Variants in DZIP3 observed in about 807,000 individuals in gnomAD.
DZIP3 encodes DAZ interacting zinc finger protein 3, also known as E3 ubiquitin-protein ligase DZIP3.
DZIP3 carries 118 observed loss-of-function variants against 162.0 expected under a neutral mutation model. That is an observed-to-expected ratio of 0.73 (90% CI 0.63 to 0.85). DZIP3 has a LOEUF of 0.85. Ranked by LOEUF, DZIP3 falls within the 40% of genes least tolerant of loss-of-function variation. The pLI is 0.00. For synonymous variants in DZIP3, 438 were observed against 458.6 expected (o/e 0.96, Z 0.57); for missense variants, 1,331 against 1,407.0 (o/e 0.95, Z 0.86).
intron 21 of DZIP3, among the ~76,000 whole-genome samples, chr3:108,666,220 A>G (rs1459937185): frequency 6.6e-6 from 1 of 152,154 alleles, no homozygotes; most frequent in Non-Finnish European, 1.5e-5. Flanking sequence ...CTAGGGATAT[A>G]TCATGCAGAT....
chr3:108,646,652 A>G lies in DZIP3; in HGVS notation c.1792+3A>G. ...ACAGTCAATAACAGGCAGTCAGCGTAAGTATATTTAGAAATAAAATGTGTA... is the reference window on the plus strand; with the variant it reads ...ACAGTCAATAACAGGCAGTCAGCGTGAGTATATTTAGAAATAAAATGTGTA... On this transcript the variant is annotated splice_donor_region_variant and intron_variant, in intron 15 of 32. Coordinates refer to ENST00000361582, the MANE Select transcript of DZIP3 (RefSeq NM_014648.4). The G allele has an allele frequency of 6.4e-7, 1 of 1,551,398 alleles. No homozygotes were observed. Among genetic ancestry groups the G allele is most frequent in the Non-Finnish European group, 8.7e-7 (1 of 1,151,188 alleles).
intron 4 of DZIP3, among the ~76,000 whole-genome samples, chr3:108,612,603 T>A (rs1243382069): frequency 6.6e-6 from 1 of 152,186 alleles, no homozygotes; most frequent in South Asian, 2.1e-4. Flanking sequence ...GATGCCCAAG[T>A]CTCTTATGTA....
chr3:108,689,443 GGAGGCTGAGGT>G (rs1464978875), intron 31 of DZIP3, among the ~76,000 whole-genome samples: 4 of 152,180 alleles, frequency 2.6e-5, no homozygotes, highest in Non-Finnish European at 5.9e-5. Context: ...CAGCACTTTA[GGAGGCTGAGGT>G]GGGTGGATCA....
chr3:108,690,701 T>C (rs1010295965), intron 31 of DZIP3, 86 bp from the exon 32 acceptor site: 15 of 1,188,128 alleles, frequency 1.3e-5, no homozygotes, highest in Admixed American at 9.5e-5. Context: ...AGAAGACATG[T>C]TGGTTGGTAA....
chr3:108,638,188 T>C (rs1322656815), intron 12 of DZIP3, among the ~76,000 whole-genome samples: 2 of 152,218 alleles, frequency 1.3e-5, no homozygotes, highest in African/African-American at 4.8e-5. Context: ...TATACCTACC[T>C]GCATACTGAG....
At position 108,661,904 on chromosome 3, in the gene DZIP3, T is replaced by G; in HGVS notation, c.2227T>G (p.Tyr743Asp). 1 of 1,613,930 alleles carries G rather than the reference T, an allele frequency of 6.2e-7. No individual in the cohort carries two copies. Among genetic ancestry groups the G allele is most frequent in the South Asian group, 1.1e-5 (1 of 91,048 alleles). Reference sequence around the variant, plus strand: ...CTCAGCTGGCAAAGTAACTACAGACTATGGAGAAACTGAAAAGGAAAGGCT... The same window carrying G: ...CTCAGCTGGCAAAGTAACTACAGACGATGGAGAAACTGAAAAGGAAAGGCT... The part of the protein sequence containing the change: ...QGSAGKVTTD[Y>D]GETEKERLAR... Residue 743 changes from tyrosine (Y) to aspartate (D), a missense_variant, in exon 20 of 33, where the codon TAT becomes GAT. By Grantham distance (160) the Tyr-to-Asp change is radical. Coordinates refer to ENST00000361582, the MANE Select transcript of DZIP3 (RefSeq NM_014648.4).
At chr3:108,611,501 G>A (rs1052820620) in intron 4 of DZIP3, among the ~76,000 whole-genome samples, 172 bp downstream of exon 4, 1 of 152,122 alleles carries the variant, frequency 6.6e-6, no homozygotes, top group Non-Finnish European at 1.5e-5. Flanking sequence ...CTAAAAAGTT[G>A]AACAAATAGA....
At chr3:108,693,309 G>T (rs924232061) in intron 32 of DZIP3, 51 bp from the exon 33 acceptor site, 1 of 151,292 alleles carries the variant, frequency 6.6e-6, no homozygotes, top group African/African-American at 2.4e-5. Context: ...AAATATAATT[G>T]ATTTAAATTA....
intron 4 of DZIP3, among the ~76,000 whole-genome samples, chr3:108,616,246 A>G (rs990965700): frequency 6.6e-6 from 1 of 151,442 alleles, no homozygotes; most frequent in Admixed American, 6.6e-5. Context: ...CCAGGGCGAC[A>G]GAGCGAGACT....
At position 108,693,266 on chromosome 3, in the gene DZIP3, T is replaced by G. The variant is rs557004745; in HGVS notation, c.*7-94T>G. 7.2e-5 allele frequency: 11 copies of G among 152,038 alleles called. No individual in the cohort carries two copies. The South Asian group carries it at 1.2e-3, about 17-fold the overall frequency. The allele number at this position is 152,038 out of a possible 1,614,324, so 9.4% of individuals were successfully genotyped here. On this transcript the variant is annotated intron_variant, in intron 32 of 32. Transcript: ENST00000361582. ...AGAAGTAGGAAAATCCCATGGAAATTTATGTTCCTTCTAACTTTTAAAACT... is the reference window on the plus strand; with the variant it reads ...AGAAGTAGGAAAATCCCATGGAAATGTATGTTCCTTCTAACTTTTAAAACT...
chr3:108,618,076 G>C (rs1310402939), intron 5 of DZIP3, among the ~76,000 whole-genome samples: 2 of 152,184 alleles, frequency 1.3e-5, no homozygotes, highest in Non-Finnish European at 2.9e-5. Flanking sequence ...GGAGACAACA[G>C]TGGATTATGT....
intron 4 of DZIP3, among the ~76,000 whole-genome samples, chr3:108,615,145 CCAAAAGTCAGT>C (rs763324101): frequency 6.6e-6 from 1 of 152,166 alleles, no homozygotes; most frequent in Non-Finnish European, 1.5e-5. Context: ...AAAAGTAGCT[CCAAAAGTCAGT>C]CAAAAGTCAG....
chr3:108,666,650 C>G (rs556646478), intron 21 of DZIP3, among the ~76,000 whole-genome samples: 1 of 152,202 alleles, frequency 6.6e-6, no homozygotes, highest in East Asian at 1.9e-4. Context: ...GGCCATAAAA[C>G]AAACCTCAAC....
intron 7 of DZIP3, among the ~76,000 whole-genome samples, chr3:108,626,377 C>G (rs1941590229): frequency 6.6e-6 from 1 of 152,084 alleles, no homozygotes. Flanking sequence ...CACAAAAATG[C>G]TGTACTTAAT....
intron 25 of DZIP3, 151 bp downstream of exon 25, chr3:108,676,024 G>T: frequency 1.5e-6 from 1 of 649,164 alleles, no homozygotes. Context: ...ACTTCCATGT[G>T]GTTGGTTGTA....
At chr3:108,685,659 G>A (rs1216213986) in intron 27 of DZIP3, among the ~76,000 whole-genome samples, 1 of 152,156 alleles carries the variant, frequency 6.6e-6, no homozygotes, top group African/African-American at 2.4e-5. Context: ...CTACAACATT[G>A]ATGAGACATT....
intron 14 of DZIP3, among the ~76,000 whole-genome samples, chr3:108,645,767 G>C (rs1305509600): frequency 6.6e-6 from 1 of 152,126 alleles, no homozygotes; most frequent in Non-Finnish European, 1.5e-5. Context: ...ATTTACTAAG[G>C]CTCTGGAATA....
intron 2 of DZIP3, among the ~76,000 whole-genome samples, chr3:108,606,143 C>T (rs773823502): frequency 1.3e-5 from 2 of 152,156 alleles, no homozygotes; most frequent in Non-Finnish European, 2.9e-5. Flanking sequence ...CTCATAACAA[C>T]TCTATGAAGT....
intron 26 of DZIP3, among the ~76,000 whole-genome samples, chr3:108,681,476 TTGG>T (rs1944306373): frequency 1.3e-5 from 2 of 152,250 alleles, no homozygotes; most frequent in South Asian, 2.1e-4. Flanking sequence ...TTTTACACTG[TTGG>T]TGGGAGTGTA....
Sources: allele counts gnomAD v4.1 joint callset (sites outside exome capture counted in the v4.1 genomes callset), GRCh38; gene constraint gnomAD v4.1.1; transcripts MANE v1.5; gene names NCBI Gene and HGNC (gene_info 2026-07-23, HGNC 2026-07-21).